Variants in PHKB observed in about 807,000 individuals in gnomAD.
PHKB encodes phosphorylase b kinase regulatory subunit beta.
PHKB carries 122 observed loss-of-function variants against 152.1 expected under a neutral mutation model. That is an observed-to-expected ratio of 0.80 (90% confidence interval 0.69 to 0.93). The LOEUF is 0.93. Ranked by LOEUF, PHKB falls within the 40% of genes least tolerant of loss-of-function variation. The pLI is 0.00. For missense variants in PHKB, 1,304 were observed against 1,328.4 expected (o/e 0.98, Z 0.29); for synonymous variants, 436 against 464.9 (o/e 0.94, Z 0.80).
chr16:47,629,607 T>TTCCA (rs1238641400), intron 14 of PHKB, among the ~76,000 whole-genome samples: 3 of 150,076 alleles, frequency 2.0e-5, no homozygotes, highest in African/African-American at 7.3e-5. Flanking sequence ...ATTGTGGAAG[T>TTCCA]CAGTGTGGCG....
chr16:47,510,807 G>T (rs1035340492), intron 4 of PHKB, among the ~76,000 whole-genome samples: 9 of 152,204 alleles, frequency 5.9e-5, no homozygotes, highest in Non-Finnish European at 1.3e-4. Context: ...AACCACTTAG[G>T]TATTATCATC....
At position 47,588,926 on chromosome 16, in the gene PHKB, C is replaced by T. The variant is rs143805637; in HGVS notation, c.892C>T (p.Pro298Ser). The T allele has an allele frequency of 1.4e-5, 23 of 1,613,830 alleles. No individual in the cohort carries two copies. The East Asian group carries it at 4.9e-4, about 34-fold the overall frequency. ...RSHNTDAALL[P>S]CISYPAFALD... ...CCAGAATACAGATGCTGCCCTGCTC[C>T]CCTGCATCAGTTATCCTGCATTTGC... is the stretch of plus-strand genomic sequence containing the variant. Residue 298 changes from proline to serine, a missense_variant, in exon 10 of 31, where the codon CCC becomes TCC. Pro to Ser is a moderately conservative substitution (Grantham distance 74). Transcript: ENST00000323584.
intron 2 of PHKB, among the ~76,000 whole-genome samples, chr16:47,497,756 T>C (rs1396012562): frequency 6.6e-6 from 1 of 152,196 alleles, no homozygotes; most frequent in Non-Finnish European, 1.5e-5. Flanking sequence ...CATTACCAGA[T>C]TTGAGACCTT....
rs770776317 is a variant in PHKB at position 47,641,110 on chromosome 16, G to C, written c.1514+20G>C. ...CCAAAGGTATGAAATCCAAGTGGGTGGTGTGTTTTTTTGTGGGGAGGGGAG... is the reference window on the plus strand; with the variant it reads ...CCAAAGGTATGAAATCCAAGTGGGTCGTGTGTTTTTTTGTGGGGAGGGGAG... On this transcript the variant is annotated intron_variant, in intron 15 of 30. Transcript: ENST00000323584. The C allele has an allele frequency of 6.2e-7, 1 of 1,609,608 alleles. No homozygotes were observed. The highest frequency in any genetic ancestry group is 8.5e-7 in the Non-Finnish European group (1 of 1,176,038).
intron 16 of PHKB, among the ~76,000 whole-genome samples, chr16:47,647,066 T>C (rs1973141971): frequency 6.6e-6 from 1 of 152,134 alleles, no homozygotes; most frequent in Admixed American, 6.5e-5. Context: ...CCCTATTTTG[T>C]AATACTTCTG....
chr16:47,651,449 C>G (rs923839152), intron 20 of PHKB, among the ~76,000 whole-genome samples: 2 of 152,188 alleles, frequency 1.3e-5, no homozygotes, highest in Non-Finnish European at 2.9e-5. Flanking sequence ...TTGTGGGGTT[C>G]TGTCCCTCTG....
intron 7 of PHKB, among the ~76,000 whole-genome samples, chr16:47,551,872 G>T (rs1207986922): frequency 6.6e-6 from 1 of 152,030 alleles, no homozygotes; most frequent in Non-Finnish European, 1.5e-5. Flanking sequence ...GTCTCTAAGG[G>T]CTTGCTTTAT....
At chr16:47,515,388 A>G in intron 5 of PHKB, 133 bp from the exon 6 acceptor site, 2 of 670,262 alleles carry the variant, frequency 3.0e-6, no homozygotes. Flanking sequence ...CAACACCTTT[A>G]TTCACAGTAG....
intron 26 of PHKB, chr16:47,675,679 T>C (rs139995393): frequency 1.2e-4 from 18 of 152,320 alleles, no homozygotes; most frequent in African/African-American, 3.4e-4. Flanking sequence ...CCCAGTGGAA[T>C]GATCCCAAAG....
chr16:47,660,061 A>C (rs553651985), intron 20 of PHKB, among the ~76,000 whole-genome samples: 34 of 152,196 alleles, frequency 2.2e-4, no homozygotes, highest in African/African-American at 7.9e-4. Context: ...ATGGGGTTTC[A>C]CCAGGACAGC....
chr16:47,571,758 C>T (rs1218328943), intron 7 of PHKB, among the ~76,000 whole-genome samples: 1 of 152,210 alleles, frequency 6.6e-6, no homozygotes, highest in African/African-American at 2.4e-5. Flanking sequence ...GGCTCCTCCA[C>T]TGCTAGAGTA....
At chr16:47,694,295 C>T (rs1399273855) in intron 28 of PHKB, among the ~76,000 whole-genome samples, 1 of 152,134 alleles carries the variant, frequency 6.6e-6, no homozygotes, top group Non-Finnish European at 1.5e-5. Flanking sequence ...GAAGGATTAG[C>T]CTTTTGGAAA....
intron 6 of PHKB, among the ~76,000 whole-genome samples, chr16:47,539,539 A>G (rs1399913787): frequency 1.3e-5 from 2 of 152,128 alleles, no homozygotes; most frequent in African/African-American, 2.4e-5. Flanking sequence ...TATTGGATAC[A>G]TTCCATTGGA....
intron 8 of PHKB, 114 bp from the exon 9 acceptor site, chr16:47,587,554 C>G: frequency 1.4e-6 from 1 of 709,722 alleles, no homozygotes; most frequent in Non-Finnish European, 2.5e-6. Flanking sequence ...TGGAACTCCA[C>G]ACTCAAGATG....
At chr16:47,600,364 G>T (rs568237847) in intron 13 of PHKB, among the ~76,000 whole-genome samples, 2 of 152,074 alleles carry the variant, frequency 1.3e-5, no homozygotes, top group Non-Finnish European at 2.9e-5. Context: ...TTATAAACAT[G>T]TACACTTTAA....
chr16:47,573,017 G>A (rs991106841), intron 7 of PHKB, among the ~76,000 whole-genome samples: 8 of 152,070 alleles, frequency 5.3e-5, no homozygotes, highest in African/African-American at 9.7e-5. Context: ...TACTGGATGC[G>A]TACCCATTGC....
chr16:47,482,547 A>G (rs937863799), intron 1 of PHKB, among the ~76,000 whole-genome samples: 1 of 152,222 alleles, frequency 6.6e-6, no homozygotes, highest in African/African-American at 2.4e-5. Context: ...CAAGACAAGA[A>G]TATAGAACAG....
At chr16:47,472,363 A>G (rs767354764) in intron 1 of PHKB, among the ~76,000 whole-genome samples, 49 of 152,324 alleles carry the variant, frequency 3.2e-4, no homozygotes, top group Middle Eastern at 3.4e-3. Context: ...CCTGATTAGA[A>G]AACAACTGCC....
chr16:47,603,687 T>C (rs758300602), intron 13 of PHKB, among the ~76,000 whole-genome samples: 22 of 152,050 alleles, frequency 1.4e-4, no homozygotes, highest in Non-Finnish European at 3.1e-4. Context: ...GTATTTTTAT[T>C]GGAGGCGGGG....
Sources: gnomAD v4.1 joint callset for allele counts (sites outside exome capture counted in the v4.1 genomes callset) on GRCh38, gnomAD v4.1.1 for gene constraint, MANE v1.5 for transcripts, NCBI Gene and HGNC (gene_info 2026-07-23, HGNC 2026-07-21) for gene names.